EYS: variants seen among roughly 807,000 people sequenced by gnomAD.
EYS encodes protein eyes shut homolog.
A neutral mutation model predicts 282.1 loss-of-function variants in EYS; 250 were observed. That is an observed-to-expected ratio of 0.89 (90% confidence interval 0.80 to 0.98). EYS has a LOEUF of 0.98. Ranked by LOEUF, EYS falls within the 50% of genes least tolerant of loss-of-function variation. EYS has a pLI of 0.00. For synonymous variants in EYS, 1,355 were observed against 1,282.9 expected (o/e 1.06, Z -1.20); for missense variants, 4,016 against 3,709.0 (o/e 1.08, Z -2.15).
At chr6:65,169,239 T>C (rs1477120022) in intron 12 of EYS, among the ~76,000 whole-genome samples, 1 of 151,388 alleles carries the variant, frequency 6.6e-6, no homozygotes, top group Non-Finnish European at 1.5e-5. Context: ...TGAAATTAGA[T>C]TGGAAAAGGC....
At chr6:63,782,097 A>G (rs1026637674) in intron 39 of EYS, among the ~76,000 whole-genome samples, 2 of 152,216 alleles carry the variant, frequency 1.3e-5, no homozygotes, top group Non-Finnish European at 2.9e-5. Flanking sequence ...CCAGGGATGA[A>G]GCCAACTTGA....
intron 35 of EYS, among the ~76,000 whole-genome samples, chr6:63,887,138 A>G (rs1035983769): frequency 6.6e-6 from 1 of 152,112 alleles, no homozygotes; most frequent in African/African-American, 2.4e-5. Context: ...AGGCATAAGC[A>G]CCAGTTAGAT....
At chr6:64,218,397 A>C (rs571716091) in intron 31 of EYS, among the ~76,000 whole-genome samples, 9 of 152,102 alleles carry the variant, frequency 5.9e-5, no homozygotes, top group Non-Finnish European at 1.0e-4. Flanking sequence ...TGTAATCATC[A>C]AGAAGGACAG....
chr6:65,305,490 G>C (rs1356581525), intron 11 of EYS, among the ~76,000 whole-genome samples: 1 of 152,180 alleles, frequency 6.6e-6, no homozygotes, highest in South Asian at 2.1e-4. Flanking sequence ...CTTTAAAGAG[G>C]GCTGAGCAGC....
intron 19 of EYS, among the ~76,000 whole-genome samples, chr6:64,854,579 C>CG (rs1254911466): frequency 3.1e-5 from 3 of 96,624 alleles, no homozygotes; most frequent in African/African-American, 8.7e-5. Context: ...ACATCACACA[C>CG]GGGGGCCTGT....
At chr6:65,152,971 T>C (rs1372013649) in intron 12 of EYS, among the ~76,000 whole-genome samples, 3 of 151,062 alleles carry the variant, frequency 2.0e-5, no homozygotes, top group Admixed American at 6.6e-5. Context: ...ACGGCGACAC[T>C]TGTATTAGAC....
chr6:65,651,532 TATAA>T (rs1285874519), intron 1 of EYS, among the ~76,000 whole-genome samples: 1 of 152,072 alleles, frequency 6.6e-6, no homozygotes, highest in African/African-American at 2.4e-5. Context: ...GTATATCTCC[TATAA>T]ATATTTCAAA....
intron 40 of EYS, 134 bp downstream of exon 40, chr6:63,777,872 C>T: frequency 1.2e-6 from 1 of 844,158 alleles, no homozygotes; most frequent in Non-Finnish European, 1.9e-6. Context: ...CATCATGTAA[C>T]AAGTCTACAT....
intron 5 of EYS, among the ~76,000 whole-genome samples, chr6:65,457,334 C>A (rs1764662613): frequency 6.6e-6 from 1 of 151,034 alleles, no homozygotes; most frequent in Admixed American, 6.6e-5. Context: ...TCAGCTAATT[C>A]TTTTTTTTTC....
Position 65,249,343 on chromosome 6 carries a change from G to A in EYS, c.2023+46520C>T, listed in dbSNP as rs149851552. On this transcript the variant is annotated intron_variant, in intron 12 of 42. Coordinates refer to ENST00000503581, the MANE Select transcript of EYS (RefSeq NM_001142800.2). ...AAGATGTGAATGGCTGTATAAAGCC[G>A]TGAAAATAAATAAGACATTCCAAAA... 5.7e-4 allele frequency among the ~76,000 whole-genome samples: 87 copies of A among 152,018 alleles called. No individual in the cohort carries two copies. In the East Asian group the frequency reaches 0.015, roughly 25 times the overall value.
chr6:64,319,729 A>G lies in EYS; in HGVS notation c.6079-12647T>C, dbSNP rs571800671. ...TGGATGGACGGATGGATGGATGGAT[A>G]GACAGATAGATAGACAGACAGACAG... On this transcript the variant is annotated intron_variant, in intron 29 of 42. Transcript: ENST00000503581. Among the ~76,000 whole-genome samples, 345 of 150,414 alleles carry G rather than the reference A, an allele frequency of 2.3e-3. 2 individuals are homozygous for G. Among genetic ancestry groups the G allele is most frequent in the African/African-American group, 8.1e-3 (332 of 40,778 alleles).
At chr6:65,539,089 GCAAAATATATAAACT>G (rs1320501875) in intron 2 of EYS, among the ~76,000 whole-genome samples, 1 of 152,124 alleles carries the variant, frequency 6.6e-6, no homozygotes, top group African/African-American at 2.4e-5. Context: ...TTATTGCACT[GCAAAATATATAAACT>G]CTGCAGATTA....
At chr6:64,094,741 G>GTC (rs955091582) in intron 31 of EYS, among the ~76,000 whole-genome samples, 6 of 151,998 alleles carry the variant, frequency 3.9e-5, no homozygotes, top group Admixed American at 6.6e-5. Context: ...GGTTTTTTGT[G>GTC]TCTCTCTCTC....
intron 31 of EYS, among the ~76,000 whole-genome samples, chr6:64,227,590 T>TAC (rs1766289031): frequency 2.0e-5 from 3 of 152,084 alleles, no homozygotes; most frequent in Admixed American, 6.6e-5. Context: ...CTCTCATTTG[T>TAC]AAATGGGGGT....
intron 15 of EYS, among the ~76,000 whole-genome samples, chr6:64,930,879 C>T (rs1008369663): frequency 2.6e-5 from 4 of 152,008 alleles, no homozygotes; most frequent in African/African-American, 9.7e-5. Context: ...CATCTGGGTC[C>T]AATAATGGCC....
At chr6:64,818,448 T>TC (rs1371742514) in intron 21 of EYS, among the ~76,000 whole-genome samples, 2 of 151,936 alleles carry the variant, frequency 1.3e-5, no homozygotes, top group African/African-American at 4.8e-5. Context: ...TATTAAGGAG[T>TC]ACTGACTCAC....
chr6:65,109,775 T>A (rs1775158814), intron 12 of EYS, among the ~76,000 whole-genome samples: 1 of 152,122 alleles, frequency 6.6e-6, no homozygotes. Flanking sequence ...TCTGCCTACC[T>A]ACCCTTCTAC....
chr6:64,444,527 T>A (rs1362919259), intron 26 of EYS, among the ~76,000 whole-genome samples: 6 of 152,210 alleles, frequency 3.9e-5, no homozygotes, highest in African/African-American at 1.4e-4. Context: ...GGCTTTTTCA[T>A]TATGTGACTA....
intron 2 of EYS, among the ~76,000 whole-genome samples, chr6:65,588,905 A>AAACT (rs1554214169): frequency 2.7e-5 from 1 of 36,974 alleles, no homozygotes; most frequent in African/African-American, 1.4e-4. Context: ...AAAGTGAAAT[A>AAACT]TATATGATCT....
Sources: gnomAD v4.1 joint callset for allele counts (sites outside exome capture counted in the v4.1 genomes callset) on GRCh38, gnomAD v4.1.1 for gene constraint, MANE v1.5 for transcripts, NCBI Gene and HGNC (gene_info 2026-07-23, HGNC 2026-07-21) for gene names.